Variants in PARP8 observed in about 807,000 individuals in gnomAD.
PARP8 encodes protein mono-ADP-ribosyltransferase PARP8.
A neutral mutation model predicts 124.1 loss-of-function variants in PARP8; 51 were observed. The observed-to-expected ratio is 0.41, with a 90% CI of 0.33 to 0.52. The LOEUF is 0.52. Among genes scored for constraint, PARP8 ranks in the 20% least tolerant of loss-of-function variants. The probability of loss-of-function intolerance (pLI) is 0.21; values close to 1 mark genes in which losing one functional copy is unlikely to be tolerated. For missense variants in PARP8, 860 were observed against 1,018.9 expected (o/e 0.84, Z 2.12); for synonymous variants, 391 against 361.5 (o/e 1.08, Z -0.93).
intron 19 of PARP8, among the ~76,000 whole-genome samples, chr5:50,827,392 C>T (rs1746464879): frequency 6.6e-6 from 1 of 152,202 alleles, no homozygotes; most frequent in South Asian, 2.1e-4. Flanking sequence ...AAGATGTTTT[C>T]AAGCTATTAA....
chr5:50,816,389 T>G lies in PARP8; in HGVS notation c.1668+865T>G, dbSNP rs147516011. ...TAACGAATACCTAGTTTTAAAAAATTATTTGCTAATACAAACTATAGGACA... is the reference window on the plus strand; with the variant it reads ...TAACGAATACCTAGTTTTAAAAAATGATTTGCTAATACAAACTATAGGACA... On this transcript the variant is annotated intron_variant, in intron 15 of 25. Coordinates refer to ENST00000281631, the MANE Select transcript of PARP8 (RefSeq NM_024615.4). 2.0e-4 allele frequency among the ~76,000 whole-genome samples: 31 copies of G among 152,238 alleles called. No homozygotes were observed. The East Asian group carries it at 4.8e-3, about 24-fold the overall frequency.
chr5:50,812,027 T>G (rs1017997174), intron 14 of PARP8, among the ~76,000 whole-genome samples: 2 of 152,208 alleles, frequency 1.3e-5, no homozygotes, highest in Non-Finnish European at 2.9e-5. Context: ...TTTGCTATTG[T>G]GAATAGTGCT....
At chr5:50,762,751 A>G (rs1245759835) in intron 6 of PARP8, among the ~76,000 whole-genome samples, 3 of 152,206 alleles carry the variant, frequency 2.0e-5, no homozygotes, top group African/African-American at 4.8e-5. Context: ...AGTTTTCCCA[A>G]CGAAATGATT....
intron 2 of PARP8, among the ~76,000 whole-genome samples, chr5:50,731,057 C>A (rs1756930070): frequency 6.6e-6 from 1 of 152,176 alleles, no homozygotes; most frequent in Non-Finnish European, 1.5e-5. Context: ...TGCGAAAAAT[C>A]ACAAGAGGCT....
At chr5:50,804,401 C>A (rs1431931000) in intron 14 of PARP8, among the ~76,000 whole-genome samples, 1 of 152,074 alleles carries the variant, frequency 6.6e-6, no homozygotes, top group Non-Finnish European at 1.5e-5. Flanking sequence ...ACTGAGCTGG[C>A]GAATGGAAGA....
intron 2 of PARP8, among the ~76,000 whole-genome samples, chr5:50,682,062 C>A (rs1378310840): frequency 6.6e-6 from 1 of 152,042 alleles, no homozygotes; most frequent in Non-Finnish European, 1.5e-5. Context: ...TATTTCATAT[C>A]CTTTGACTTA....
intron 2 of PARP8, among the ~76,000 whole-genome samples, chr5:50,679,014 G>T (rs893105803): frequency 3.9e-5 from 6 of 152,116 alleles, no homozygotes; most frequent in African/African-American, 1.4e-4. Context: ...ATATTTATTT[G>T]TAACATGTAC....
chr5:50,764,342 G>T (rs1760849800), intron 7 of PARP8, among the ~76,000 whole-genome samples: 1 of 152,100 alleles, frequency 6.6e-6, no homozygotes, highest in Admixed American at 6.6e-5. Flanking sequence ...CCGGCTTCCT[G>T]ATTATTTTCA....
chr5:50,790,141 G>A (rs942003121), intron 10 of PARP8, among the ~76,000 whole-genome samples: 1 of 152,142 alleles, frequency 6.6e-6, no homozygotes, highest in South Asian at 2.1e-4. Flanking sequence ...TGAGTTCAAA[G>A]ATATGCAAAT....
In PARP8 at chr5:50,733,250, C is replaced by T. The variant is rs539377860; in HGVS notation, c.147-16901C>T. ...TGGTAGTTGCAGTGAGCCGAGATCG[C>T]GCCACACCGCACTCCAGCCTGGGTG... On this transcript the variant is annotated intron_variant, in intron 2 of 25. Transcript: ENST00000281631. Among the ~76,000 whole-genome samples, 231 of 151,462 alleles carry T rather than the reference C, an allele frequency of 1.5e-3. 1 individual carries two copies. The highest frequency in any genetic ancestry group is 8.5e-4 in the Non-Finnish European group (58 of 67,882).
chr5:50,724,572 T>A lies in PARP8; in HGVS notation c.147-25579T>A, dbSNP rs148285641. ...GTATGGTGAAATGTAAGATAATTCTTTCCTCTTCTGCCATCTGTCTACAAT... is the reference window on the plus strand; with the variant it reads ...GTATGGTGAAATGTAAGATAATTCTATCCTCTTCTGCCATCTGTCTACAAT... On this transcript the variant is annotated intron_variant, in intron 2 of 25. Coordinates refer to ENST00000281631, the MANE Select transcript of PARP8 (RefSeq NM_024615.4). 1.3e-4 allele frequency among the ~76,000 whole-genome samples: 20 copies of A among 152,278 alleles called. No individual in the cohort carries two copies. The East Asian group carries it at 3.9e-3, about 29-fold the overall frequency.
intron 10 of PARP8, among the ~76,000 whole-genome samples, chr5:50,790,855 G>A (rs1414480297): frequency 1.3e-5 from 2 of 152,110 alleles, no homozygotes; most frequent in Non-Finnish European, 2.9e-5. Flanking sequence ...TGGAAAGTTT[G>A]TTAATATAGA....
At chr5:50,752,614 T>C (rs1759383477) in intron 3 of PARP8, among the ~76,000 whole-genome samples, 1 of 152,074 alleles carries the variant, frequency 6.6e-6, no homozygotes, top group Non-Finnish European at 1.5e-5. Flanking sequence ...TTGGTTTGTC[T>C]TCCAAATAGT....
intron 2 of PARP8, among the ~76,000 whole-genome samples, chr5:50,735,638 A>G (rs1160223550): frequency 1.3e-5 from 2 of 152,168 alleles, no homozygotes; most frequent in Non-Finnish European, 1.5e-5. Context: ...TGTCCCTGAC[A>G]AGGGAGCTAT....
chr5:50,705,516 G>A (rs1401300385), intron 2 of PARP8, among the ~76,000 whole-genome samples: 2 of 152,138 alleles, frequency 1.3e-5, no homozygotes, highest in East Asian at 1.9e-4. Flanking sequence ...GGGCCAGTGC[G>A]GTGGCTCACA....
intron 7 of PARP8, among the ~76,000 whole-genome samples, chr5:50,772,458 A>T (rs544223845): frequency 3.3e-5 from 5 of 152,172 alleles, no homozygotes; most frequent in African/African-American, 1.2e-4. Context: ...ACCAATTTAC[A>T]TTCCCACCAG....
rs34347134 is a variant in PARP8 at position 50,819,427 on chromosome 5, C to CTTTTTTTTTTTTTTTTT, written c.1669-1772_1669-1756dup. On this transcript the variant is annotated intron_variant, in intron 15 of 25. Coordinates refer to ENST00000281631, the MANE Select transcript of PARP8 (RefSeq NM_024615.4). ...GTCTCAGAAAAGGCTATTTTATCTT[C>CTTTTTTTTTTTTTTTTT]TTTTTTTTTTTTTTTTTTTTTTTTT... Among the ~76,000 whole-genome samples, 4 of 46,638 alleles carry CTTTTTTTTTTTTTTTTT rather than the reference C, an allele frequency of 8.6e-5. 1 individual carries two copies. Among genetic ancestry groups the CTTTTTTTTTTTTTTTTT allele is most frequent in the African/African-American group, 3.8e-4 (4 of 10,568 alleles). The allele number at this position is 46,638 out of a possible 152,430, so 30.6% of individuals were successfully genotyped here. A position where few individuals can be genotyped will look rare whatever the true frequency, so the allele number is the denominator to read the frequency against.
At position 50,684,847 on chromosome 5, in the gene PARP8, A is replaced by T. The variant is rs571302356; in HGVS notation, c.146+16722A>T. 5.3e-5 allele frequency among the ~76,000 whole-genome samples: 8 copies of T among 152,228 alleles called. No individual in the cohort carries two copies. In the South Asian group the frequency reaches 1.7e-3, roughly 32 times the overall value. ...TGAAGTGGCATGTGGGGTATGAGGG[A>T]TTACGGTGTATTTGTAGGTGGTGTG... On this transcript the variant is annotated intron_variant, in intron 2 of 25. Transcript: ENST00000281631.
intron 2 of PARP8, among the ~76,000 whole-genome samples, chr5:50,734,950 C>A (rs930701716): frequency 2.0e-5 from 3 of 151,964 alleles, no homozygotes; most frequent in African/African-American, 7.2e-5. Flanking sequence ...AAATTCAAAT[C>A]ATAACAATTA....
Sources: gnomAD v4.1 joint callset for allele counts (sites outside exome capture counted in the v4.1 genomes callset) on GRCh38, gnomAD v4.1.1 for gene constraint, MANE v1.5 for transcripts, NCBI Gene and HGNC (gene_info 2026-07-23, HGNC 2026-07-21) for gene names.